TMOD1: variants seen among roughly 807,000 people sequenced by gnomAD.
TMOD1 encodes the protein tropomodulin 1.
Under a neutral mutation model 40.6 loss-of-function variants are expected in TMOD1, and 17 were observed. The observed-to-expected ratio is 0.42, with a 90% CI of 0.29 to 0.63. The LOEUF is 0.63. Ranked by LOEUF, TMOD1 falls within the 20% of genes least tolerant of loss-of-function variation. The probability of loss-of-function intolerance (pLI) is 0.22; values close to 1 mark genes in which losing one functional copy is unlikely to be tolerated. For synonymous variants in TMOD1, 181 were observed against 175.0 expected (o/e 1.03, Z -0.27); for missense variants, 391 against 447.6 (o/e 0.87, Z 1.14).
intron 2 of TMOD1, among the ~76,000 whole-genome samples, chr9:97,539,231 A>G (rs1029225313): frequency 6.6e-6 from 1 of 152,206 alleles, no homozygotes; most frequent in African/African-American, 2.4e-5. Context: ...AAATAAGAGA[A>G]TGAGAGGTGC....
At chr9:97,571,212 A>G (rs1830812522) in intron 8 of TMOD1, among the ~76,000 whole-genome samples, 1 of 152,228 alleles carries the variant, frequency 6.6e-6, no homozygotes, top group African/African-American at 2.4e-5. Context: ...CTTAACTCCC[A>G]GGGCAGAATG....
chr9:97,592,151 C>T (rs1385547119), intron 9 of TMOD1, among the ~76,000 whole-genome samples: 1 of 152,050 alleles, frequency 6.6e-6, no homozygotes, highest in Non-Finnish European at 1.5e-5. Flanking sequence ...ATCTTACTTG[C>T]AGATGCCGGT....
At chr9:97,576,086 C>G (rs1166964543) in intron 8 of TMOD1, among the ~76,000 whole-genome samples, 2 of 152,108 alleles carry the variant, frequency 1.3e-5, no homozygotes. Flanking sequence ...CCCGTGAAGC[C>G]AATAGAAGGA....
At chr9:97,573,465 T>A (rs1479796627) in intron 8 of TMOD1, among the ~76,000 whole-genome samples, 1 of 152,262 alleles carries the variant, frequency 6.6e-6, no homozygotes, top group African/African-American at 2.4e-5. Flanking sequence ...TGGCTTTTTT[T>A]ACTCAACGTT....
In TMOD1 at chr9:97,562,722, G is replaced by A; in HGVS notation, c.398-10G>A. 1 of 1,535,234 alleles carries A rather than the reference G, an allele frequency of 6.5e-7. No homozygotes were observed. Among genetic ancestry groups the A allele is most frequent in the Non-Finnish European group, 8.7e-7 (1 of 1,147,660 alleles). ...GAGGCACATCATGAGCCCTTCCCTT[G>A]TCCCTGCAGCGATCCTGGGCATGCA... is the stretch of plus-strand genomic sequence containing the variant. On this transcript the variant is annotated splice_polypyrimidine_tract_variant and intron_variant, in intron 4 of 9. Transcript: ENST00000259365.
intron 6 of TMOD1, among the ~76,000 whole-genome samples, chr9:97,565,101 C>T (rs1031975496): frequency 1.3e-5 from 2 of 152,198 alleles, no homozygotes; most frequent in Non-Finnish European, 2.9e-5. Context: ...GACATTGGCA[C>T]AATTCAGAAT....
intron 3 of TMOD1, among the ~76,000 whole-genome samples, chr9:97,551,068 G>T (rs1341680006): frequency 5.7e-5 from 8 of 139,874 alleles, no homozygotes; most frequent in Middle Eastern, 4.0e-3. Context: ...CTGTCTCCCA[G>T]GCTGGAGTAC....
chr9:97,561,461 T>C (rs1262345100), intron 4 of TMOD1, among the ~76,000 whole-genome samples: 1 of 152,194 alleles, frequency 6.6e-6, no homozygotes, highest in Non-Finnish European at 1.5e-5. Context: ...TTTGGGTTAA[T>C]TGGTCTAGGG....
chr9:97,575,087 C>T (rs1384851957), intron 8 of TMOD1, among the ~76,000 whole-genome samples: 1 of 152,222 alleles, frequency 6.6e-6, no homozygotes, highest in Non-Finnish European at 1.5e-5. Flanking sequence ...TTTGTTCTTT[C>T]TCTGTTTGCC....
chr9:97,567,123 G>A (rs1259335060), intron 7 of TMOD1, among the ~76,000 whole-genome samples: 1 of 152,212 alleles, frequency 6.6e-6, no homozygotes, highest in African/African-American at 2.4e-5. Flanking sequence ...AATAGAAATA[G>A]CTCACAGTCT....
At position 97,600,790 on chromosome 9, in the gene TMOD1, G is replaced by A. The variant is rs1477387272; in HGVS notation, c.*1092G>A. The A allele has an allele frequency of 9.4e-7, 1 of 1,069,164 alleles. No homozygotes were observed. The highest frequency in any genetic ancestry group is 1.1e-6 in the Non-Finnish European group (1 of 877,968). The allele number at this position is 1,069,164 out of a possible 1,614,324, so 66.2% of individuals were successfully genotyped here. ...CCCAAGATGATTACACTGAAATGTA[G>A]TATTAGTACTGCTGCCAGATCTCTT... On this transcript the variant is annotated 3_prime_UTR_variant, in exon 10 of 10. Transcript: ENST00000259365.
chr9:97,526,639 A>G (rs968069773), intron 2 of TMOD1, among the ~76,000 whole-genome samples: 4 of 152,170 alleles, frequency 2.6e-5, no homozygotes, highest in Non-Finnish European at 4.4e-5. Flanking sequence ...CAACACTTCA[A>G]TCTCACTCAC....
At chr9:97,575,270 C>A (rs1001387345) in intron 8 of TMOD1, among the ~76,000 whole-genome samples, 6 of 152,206 alleles carry the variant, frequency 3.9e-5, no homozygotes, top group African/African-American at 1.4e-4. Flanking sequence ...CCGCGAAGGC[C>A]TGCAGCTTCA....
At chr9:97,575,132 A>G (rs559262602) in intron 8 of TMOD1, among the ~76,000 whole-genome samples, 1 of 152,352 alleles carries the variant, frequency 6.6e-6, no homozygotes, top group East Asian at 1.9e-4. Flanking sequence ...TTGGGTCCAC[A>G]CTGCCTTTAT....
chr9:97,555,618 C>G, intron 4 of TMOD1: 1 of 1,550,722 alleles, frequency 6.4e-7, no homozygotes, highest in South Asian at 1.2e-5. Context: ...CCTTGGATGC[C>G]TGTCATTTGA....
At chr9:97,530,652 TA>T (rs1830083203) in intron 2 of TMOD1, among the ~76,000 whole-genome samples, 1 of 151,924 alleles carries the variant, frequency 6.6e-6, no homozygotes, top group South Asian at 2.1e-4. Context: ...CATGCCTGGC[TA>T]ATTGTTTTTG....
In TMOD1 at chr9:97,599,697, A is replaced by G; in HGVS notation, c.1079A>G (p.Ter360TrpextTer46). The G allele has an allele frequency of 1.2e-6, 2 of 1,614,036 alleles. No individual in the cohort carries two copies. The highest frequency in any genetic ancestry group is 1.7e-6 in the Non-Finnish European group (2 of 1,179,988). The change falls in exon 10 of 10, where the codon TAG (stop) becomes TGG (tryptophan). Residue 360 changes from the stop codon to tryptophan, a stop_lost. Transcript: ENST00000259365. ...ATTCCCAAGTGCCGGAGTGGTGTCT[A>G]GTGTGTGGCGGTGGAGTCCATGCCT... ...PIIPKCRSGV[*>W]
intron 8 of TMOD1, among the ~76,000 whole-genome samples, chr9:97,577,981 C>G (rs1184999850): frequency 6.6e-6 from 1 of 152,190 alleles, no homozygotes; most frequent in Non-Finnish European, 1.5e-5. Flanking sequence ...CACTGGTTCT[C>G]TCTTCTATAA....
At chr9:97,504,346 C>G (rs1438436924) in intron 1 of TMOD1, among the ~76,000 whole-genome samples, 2 of 151,958 alleles carry the variant, frequency 1.3e-5, no homozygotes, top group Non-Finnish European at 2.9e-5. Flanking sequence ...GAAGAAGGCT[C>G]TCAACAGAGC....
Sources: allele counts gnomAD v4.1 joint callset (sites outside exome capture counted in the v4.1 genomes callset), GRCh38; gene constraint gnomAD v4.1.1; transcripts MANE v1.5; gene names NCBI Gene and HGNC (gene_info 2026-07-23, HGNC 2026-07-21).